Variants in ATP8A2 observed in about 807,000 individuals in gnomAD.
ATP8A2 encodes the protein phospholipid-transporting ATPase IB.
In ATP8A2, 100 loss-of-function variants were observed where a neutral mutation model predicts 165.6. That is an observed-to-expected ratio of 0.60 (90% CI 0.51 to 0.71). The LOEUF (loss-of-function observed/expected upper bound fraction) is 0.71, where lower values mean the gene tolerates loss of function less well. Among genes scored for constraint, ATP8A2 ranks in the 30% least tolerant of loss-of-function variants. The pLI is 0.00. For missense variants in ATP8A2, 1,227 were observed against 1,479.5 expected (o/e 0.83, Z 2.80); for synonymous variants, 543 against 548.8 (o/e 0.99, Z 0.15).
intron 1 of ATP8A2, among the ~76,000 whole-genome samples, chr13:25,459,095 C>G (rs1488174211): frequency 6.6e-6 from 1 of 152,132 alleles, no homozygotes; most frequent in Non-Finnish European, 1.5e-5. Context: ...TGTAAGGATC[C>G]CAACTATTCC....
chr13:25,469,281 G>T (rs2035772260), intron 2 of ATP8A2, among the ~76,000 whole-genome samples, 160 bp downstream of exon 2: 1 of 146,998 alleles, frequency 6.8e-6, no homozygotes, highest in South Asian at 2.3e-4. Flanking sequence ...CCGCGGTGCA[G>T]CCCCGCGCTT....
At chr13:25,526,184 T>A (rs964803418) in intron 2 of ATP8A2, among the ~76,000 whole-genome samples, 8 of 152,124 alleles carry the variant, frequency 5.3e-5, no homozygotes, top group African/African-American at 1.9e-4. Context: ...ATTTCTCTGA[T>A]ACATTTTTGA....
chr13:25,955,018 T>C (rs1054561154), intron 33 of ATP8A2, among the ~76,000 whole-genome samples: 7 of 152,048 alleles, frequency 4.6e-5, no homozygotes, highest in African/African-American at 1.7e-4. Context: ...TGGACAGAAG[T>C]AGGTTTCAGA....
rs528295065 is a variant in ATP8A2, at chr13:25,632,076, A to C, written c.2211+42377A>C. Among the ~76,000 whole-genome samples the C allele has an allele frequency of 2.0e-5, 3 of 152,220 alleles. No homozygotes were observed. In the South Asian group the frequency reaches 6.2e-4, roughly 32 times the overall value. ...CTAGAGTAGCTCACAAAACTCAGGG[A>C]AACACTTTACTTACATTTTCATATT... On this transcript the variant is annotated intron_variant, in intron 24 of 36. Coordinates refer to ENST00000381655, the MANE Select transcript of ATP8A2 (RefSeq NM_016529.6).
At chr13:25,908,727 C>T (rs557048574) in intron 33 of ATP8A2, among the ~76,000 whole-genome samples, 4 of 152,230 alleles carry the variant, frequency 2.6e-5, no homozygotes, top group Non-Finnish European at 4.4e-5. Flanking sequence ...CAAATACCAA[C>T]TGACTGCTGC....
At chr13:25,947,319 A>G (rs1216546465) in intron 33 of ATP8A2, among the ~76,000 whole-genome samples, 7 of 152,160 alleles carry the variant, frequency 4.6e-5, no homozygotes, top group Non-Finnish European at 1.0e-4. Flanking sequence ...TGTGATTTCC[A>G]TTGTCTACAT....
chr13:25,928,619 G>T (rs1566277183), intron 33 of ATP8A2, among the ~76,000 whole-genome samples: 1 of 152,202 alleles, frequency 6.6e-6, no homozygotes, highest in Non-Finnish European at 1.5e-5. Context: ...TAATAGAACA[G>T]TTGTAGGATT....
chr13:25,868,007 G>C (rs554036547), intron 33 of ATP8A2: 4 of 391,402 alleles, frequency 1.0e-5, no homozygotes, highest in Non-Finnish European at 2.1e-5. Context: ...AGCCAGCCTC[G>C]AAGCCCATCC....
At chr13:25,942,689 G>T (rs183369635) in intron 33 of ATP8A2, among the ~76,000 whole-genome samples, 40 of 152,322 alleles carry the variant, frequency 2.6e-4, no homozygotes, top group South Asian at 1.5e-3. Flanking sequence ...CTCCCGAAGT[G>T]CTGGGATTAC....
chr13:25,596,798 T>A (rs2040247012), intron 24 of ATP8A2, among the ~76,000 whole-genome samples: 1 of 152,218 alleles, frequency 6.6e-6, no homozygotes, highest in Non-Finnish European at 1.5e-5. Context: ...AGTAAAATTC[T>A]TAGATTAGAG....
At position 25,553,934 on chromosome 13, in the gene ATP8A2, C is replaced by T; in HGVS notation, c.1185+14C>T. On this transcript the variant is annotated intron_variant, in intron 12 of 36. Transcript: ENST00000381655. Reference sequence around the variant, plus strand: ...TTCATAAACTGGGTGAGTATTAAAGCAGAGTTGAATCACTATTTTCCAATG... The same window carrying T: ...TTCATAAACTGGGTGAGTATTAAAGTAGAGTTGAATCACTATTTTCCAATG... The T allele has an allele frequency of 6.2e-7, 1 of 1,606,688 alleles. No individual in the cohort carries two copies. Among genetic ancestry groups the T allele is most frequent in the Admixed American group, 1.7e-5 (1 of 58,376 alleles).
At chr13:25,456,789 T>C (rs565747301) in intron 1 of ATP8A2, among the ~76,000 whole-genome samples, 2 of 152,328 alleles carry the variant, frequency 1.3e-5, no homozygotes, top group South Asian at 2.1e-4. Flanking sequence ...CCAGAATTTA[T>C]GGTGACGGAA....
intron 1 of ATP8A2, among the ~76,000 whole-genome samples, chr13:25,428,770 A>G (rs1005162341): frequency 6.6e-6 from 1 of 152,176 alleles, no homozygotes; most frequent in Non-Finnish European, 1.5e-5. Flanking sequence ...CGCAAGCAGG[A>G]TTTGGGACCC....
At chr13:25,484,019 G>A (rs774759304) in intron 2 of ATP8A2, among the ~76,000 whole-genome samples, 2 of 152,146 alleles carry the variant, frequency 1.3e-5, no homozygotes, top group African/African-American at 2.4e-5. Flanking sequence ...GGTAGGTTTT[G>A]GGCATTAGGG....
intron 24 of ATP8A2, among the ~76,000 whole-genome samples, chr13:25,603,165 T>C (rs1030612195): frequency 1.3e-5 from 2 of 152,158 alleles, no homozygotes; most frequent in African/African-American, 4.8e-5. Context: ...CTTATTGCTC[T>C]TTGACTTGGT....
intron 16 of ATP8A2, among the ~76,000 whole-genome samples, chr13:25,568,943 A>T (rs1001914289): frequency 3.3e-5 from 5 of 151,730 alleles, no homozygotes; most frequent in Admixed American, 1.3e-4. Flanking sequence ...TTTAGGATTT[A>T]AAAAAAATCT....
At chr13:25,600,729 C>T (rs2040362042) in intron 24 of ATP8A2, among the ~76,000 whole-genome samples, 1 of 152,168 alleles carries the variant, frequency 6.6e-6, no homozygotes, top group South Asian at 2.1e-4. Context: ...CAATCTTAAG[C>T]AAATGCATCT....
chr13:25,980,164 C>T (rs1209091112), intron 35 of ATP8A2, among the ~76,000 whole-genome samples: 2 of 152,186 alleles, frequency 1.3e-5, no homozygotes, highest in Non-Finnish European at 2.9e-5. Flanking sequence ...AGCCTTCCTT[C>T]CCGCTGGGTG....
chr13:25,757,596 T>G (rs183040632), intron 25 of ATP8A2, among the ~76,000 whole-genome samples: 343 of 152,304 alleles, frequency 2.3e-3, no homozygotes, highest in Middle Eastern at 0.01. Flanking sequence ...CCTCTCTCTC[T>G]ATCACACTCA....
Sources: allele counts gnomAD v4.1 joint callset (sites outside exome capture counted in the v4.1 genomes callset), GRCh38; gene constraint gnomAD v4.1.1; transcripts MANE v1.5; gene names NCBI Gene and HGNC (gene_info 2026-07-23, HGNC 2026-07-21).